The following GUCY2C variants were observed in gnomAD, a reference collection of about 807,000 sequenced individuals.
GUCY2C encodes guanylyl cyclase C.
Under a neutral mutation model 131.1 loss-of-function variants are expected in GUCY2C, and 118 were observed. The ratio of observed to expected loss-of-function variants is 0.90; its 90% CI spans 0.78 to 1.05. The LOEUF (loss-of-function observed/expected upper bound fraction) is 1.05. Ranked by LOEUF, GUCY2C falls within the 50% of genes least tolerant of loss-of-function variation. GUCY2C has a pLI of 0.00. For missense variants in GUCY2C, 1,161 were observed against 1,304.4 expected (o/e 0.89, Z 1.69); for synonymous variants, 452 against 457.8 (o/e 0.99, Z 0.16).
Position 14,652,044 on chromosome 12 carries a change from T to C in GUCY2C, c.1534-14A>G. On this transcript the variant is annotated splice_polypyrimidine_tract_variant and intron_variant, in intron 13 of 26. Coordinates refer to ENST00000261170, the MANE Select transcript of GUCY2C (RefSeq NM_004963.4). ...GAGAATCACTCGCTGCAAAAATCAA[T>C]GAAATTTAGGAGACAGTGTTGTGGT... 6.5e-7 allele frequency: 1 copy of C among 1,534,272 alleles called. No individual in the cohort carries two copies. The highest frequency in any genetic ancestry group is 9.0e-7 in the Non-Finnish European group (1 of 1,108,104).
chr12:14,616,313 G>A (rs928114120), intron 25 of GUCY2C, among the ~76,000 whole-genome samples: 2 of 152,140 alleles, frequency 1.3e-5, no homozygotes, highest in African/African-American at 4.8e-5. Context: ...GGGGGGACAA[G>A]GGTTTTGATT....
chr12:14,616,549 C>G (rs1276264440), intron 25 of GUCY2C, 84 bp downstream of exon 25: 2 of 806,670 alleles, frequency 2.5e-6, no homozygotes, highest in East Asian at 4.8e-5. Flanking sequence ...TTAGCATGCT[C>G]AACTTTCCTG....
chr12:14,629,404 A>G (rs1947095880), intron 19 of GUCY2C, among the ~76,000 whole-genome samples: 2 of 152,236 alleles, frequency 1.3e-5, no homozygotes, highest in African/African-American at 4.8e-5. Context: ...AAGTAAACTT[A>G]CTGAGGCTCC....
intron 19 of GUCY2C, among the ~76,000 whole-genome samples, chr12:14,637,693 C>T (rs1947301893): frequency 6.6e-6 from 1 of 151,774 alleles, no homozygotes; most frequent in Non-Finnish European, 1.5e-5. Flanking sequence ...GGGGAAAGGA[C>T]ACCCCATCTC....
intron 12 of GUCY2C, among the ~76,000 whole-genome samples, chr12:14,655,650 C>T (rs1228837880): frequency 6.6e-6 from 1 of 152,136 alleles, no homozygotes; most frequent in African/African-American, 2.4e-5. Flanking sequence ...TCCACGAATT[C>T]CCATCTGTGG....
At chr12:14,659,172 T>C (rs1947816746) in intron 11 of GUCY2C, among the ~76,000 whole-genome samples, 1 of 151,968 alleles carries the variant, frequency 6.6e-6, no homozygotes, top group Non-Finnish European at 1.5e-5. Context: ...GCCTCCTGAG[T>C]AGCTGGGATT....
At chr12:14,683,440 T>C (rs570447830) in intron 3 of GUCY2C, among the ~76,000 whole-genome samples, 183 bp from the exon 4 acceptor site, 1 of 152,352 alleles carries the variant, frequency 6.6e-6, no homozygotes, top group East Asian at 1.9e-4. Context: ...AAACATTTAT[T>C]GAGCACATGC....
chr12:14,664,723 A>G (rs528934498), intron 10 of GUCY2C, among the ~76,000 whole-genome samples: 20 of 152,164 alleles, frequency 1.3e-4, no homozygotes, highest in Non-Finnish European at 2.8e-4. Flanking sequence ...GGAACCTGAT[A>G]AACTTCTTGA....
chr12:14,652,399 T>C lies in GUCY2C; in HGVS notation c.1534-369A>G, dbSNP rs182348063. On this transcript the variant is annotated intron_variant, in intron 13 of 26. Transcript: ENST00000261170. Reference sequence around the variant, plus strand: ...CATGTTGGCCGGCCTGGTCTCAAACTTCTGGCCTCAAATGATCCACCCGCC... The same window carrying C: ...CATGTTGGCCGGCCTGGTCTCAAACCTCTGGCCTCAAATGATCCACCCGCC... Among the ~76,000 whole-genome samples the C allele has an allele frequency of 2.0e-5, 3 of 152,254 alleles. No homozygotes were observed. In the East Asian group the frequency reaches 5.8e-4, roughly 29 times the overall value.
intron 2 of GUCY2C, among the ~76,000 whole-genome samples, chr12:14,686,824 G>A (rs1023295704): frequency 6.6e-6 from 1 of 152,162 alleles, no homozygotes; most frequent in African/African-American, 2.4e-5. Flanking sequence ...AACTATGCTT[G>A]TGCACACCTT....
intron 9 of GUCY2C, among the ~76,000 whole-genome samples, chr12:14,672,553 C>T (rs1301959449): frequency 1.3e-5 from 2 of 151,516 alleles, no homozygotes; most frequent in African/African-American, 4.9e-5. Flanking sequence ...CATTGGTATC[C>T]CATCAATAGT....
chr12:14,679,695 C>A lies in GUCY2C; in HGVS notation c.792G>T (p.Val264=). The change falls in exon 6 of 27, where the codon GTG becomes GTT. Residue 264 remains valine, a synonymous_variant. Transcript: ENST00000261170. ...CTAGAATAATGACAATGTCTTCAGC[C>A]ACTGCTCGGTCACCCTTCAGCTTGT... ...FLYKLKGDRA[V]AEDIVIILVD... 2 of 1,597,680 alleles carry A rather than the reference C, an allele frequency of 1.3e-6. No individual in the cohort carries two copies. The highest frequency in any genetic ancestry group is 2.2e-5 in the South Asian group (2 of 90,762).
chr12:14,645,202 T>C lies in GUCY2C; in HGVS notation c.1797+27A>G, dbSNP rs754089220. 2.5e-6 allele frequency: 3 copies of C among 1,190,576 alleles called. No individual in the cohort carries two copies. The South Asian group carries it at 3.9e-5, about 15-fold the overall frequency. 73.8% of individuals were successfully genotyped at this position (1,190,576 alleles called of 1,614,324 possible). The stretch of plus-strand genomic sequence containing the variant: ...TCTGTTTTCTTATATTTAATTTTCA[T>C]ATTTTCTGTGTGTGTGTTTCTCTTA... On this transcript the variant is annotated intron_variant, in intron 16 of 26. Transcript: ENST00000261170.
intron 10 of GUCY2C, among the ~76,000 whole-genome samples, chr12:14,662,811 A>C (rs1947897245): frequency 6.6e-6 from 1 of 152,146 alleles, no homozygotes; most frequent in Admixed American, 6.6e-5. Context: ...AGAGGTCTTT[A>C]TTTTGGTTAC....
chr12:14,627,347 C>T (rs1038963291), intron 20 of GUCY2C, among the ~76,000 whole-genome samples: 2 of 152,034 alleles, frequency 1.3e-5, no homozygotes, highest in African/African-American at 4.8e-5. Context: ...AATTGCTAGG[C>T]TTGGAATGAA....
At chr12:14,683,716 C>T (rs118017872) in intron 3 of GUCY2C, among the ~76,000 whole-genome samples, 5,116 of 152,212 alleles carry the variant, frequency 0.034, 122 homozygotes, top group Middle Eastern at 0.099. Flanking sequence ...ATGTATTTAA[C>T]GAAGGAAGGA....
At chr12:14,694,694 T>C (rs1331275795) in intron 1 of GUCY2C, among the ~76,000 whole-genome samples, 1 of 152,238 alleles carries the variant, frequency 6.6e-6, no homozygotes, top group African/African-American at 2.4e-5. Flanking sequence ...AGTTTCAGAA[T>C]TGGAGAGATG....
At position 14,646,228 on chromosome 12, in the gene GUCY2C, C is replaced by T. The variant is rs903960191; in HGVS notation, c.1711-913G>A. Among the ~76,000 whole-genome samples, 7 of 152,158 alleles carry T rather than the reference C, an allele frequency of 4.6e-5. No individual in the cohort carries two copies. The East Asian group carries it at 5.8e-4, about 13-fold the overall frequency. On this transcript the variant is annotated intron_variant, in intron 15 of 26. Transcript: ENST00000261170. Reference sequence around the variant, plus strand: ...TAAGCTAATACATAACTGTTCTTCACGGTAGAACTCTAAACAGGACTCTAA... The same window carrying T: ...TAAGCTAATACATAACTGTTCTTCATGGTAGAACTCTAAACAGGACTCTAA...
At chr12:14,687,173 G>A (rs985592360) in intron 2 of GUCY2C, among the ~76,000 whole-genome samples, 1 of 152,114 alleles carries the variant, frequency 6.6e-6, no homozygotes, top group Admixed American at 6.6e-5. Flanking sequence ...CAGATTCAAC[G>A]CTTAAGCAAT....
Sources: allele counts gnomAD v4.1 joint callset (sites outside exome capture counted in the v4.1 genomes callset), GRCh38; gene constraint gnomAD v4.1.1; transcripts MANE v1.5; gene names NCBI Gene and HGNC (gene_info 2026-07-23, HGNC 2026-07-21).